Variants in KPNA3 observed in about 807,000 individuals in gnomAD.
KPNA3 encodes the protein importin subunit alpha-4.
A neutral mutation model predicts 73.8 loss-of-function variants in KPNA3; 13 were observed. The ratio of observed to expected loss-of-function variants is 0.18; its 90% CI spans 0.11 to 0.28. The LOEUF is 0.28. KPNA3 is among the 10% of genes least tolerant of loss of function. KPNA3 has a pLI of 1.00. For synonymous variants in KPNA3, 186 were observed against 206.9 expected, an observed-to-expected ratio of 0.90 and a Z score of 0.87; for missense variants, 360 against 618.1, an observed-to-expected ratio of 0.58 and a Z score of 4.43.
rs749353427 is a variant in KPNA3 at position 49,792,441 on chromosome 13, C to T, written c.66G>A (p.Val22=). 3 of 1,574,622 alleles carry T rather than the reference C, an allele frequency of 1.9e-6. No homozygotes were observed. Among genetic ancestry groups the T allele is most frequent in the Non-Finnish European group, 2.6e-6 (3 of 1,162,330 alleles). Residue 22 remains valine, a synonymous_variant, in exon 1 of 17, where the codon GTG becomes GTA. Coordinates refer to ENST00000261667, the MANE Select transcript of KPNA3 (RefSeq NM_002267.4). ...CAGACCGCGGAAGCACACTCACTTC[C>T]ACATCGCGGCCCTTGTTCTTGAAGC... ...IKSFKNKGRD[V]ETMRRHRNEV...
At chr13:49,732,500 A>T (rs1954479339) in intron 5 of KPNA3, 34 bp from the exon 6 acceptor site, 3 of 1,492,304 alleles carry the variant, frequency 2.0e-6, no homozygotes, top group Middle Eastern at 1.7e-4. Flanking sequence ...TAATTGCTAT[A>T]ATTTTCAAAC....
rs1954146149 is a variant in KPNA3, at chr13:49,701,384, C to T, written c.*416G>A. 7.5e-6 allele frequency: 3 copies of T among 401,532 alleles called. No individual in the cohort carries two copies. Among genetic ancestry groups the T allele is most frequent in the Non-Finnish European group, 1.6e-5 (3 of 191,474 alleles). 24.9% of individuals were successfully genotyped at this position (401,532 alleles called of 1,614,324 possible). A position where few individuals can be genotyped will look rare whatever the true frequency, so the allele number is the denominator to read the frequency against. The stretch of plus-strand genomic sequence containing the variant: ...TGATGGAGGCTCAGATCACACTGCA[C>T]CTCTTTAGTCTTCCAACTTGTATAT... On this transcript the variant is annotated 3_prime_UTR_variant, in exon 17 of 17. Transcript: ENST00000261667.
At chr13:49,751,502 T>G (rs1488372474) in intron 1 of KPNA3, among the ~76,000 whole-genome samples, 1 of 152,206 alleles carries the variant, frequency 6.6e-6, no homozygotes, top group African/African-American at 2.4e-5. Flanking sequence ...ATGCAAAATC[T>G]GTGTCATCTT....
intron 10 of KPNA3, among the ~76,000 whole-genome samples, chr13:49,716,661 C>A (rs1954306864): frequency 6.6e-6 from 1 of 152,048 alleles, no homozygotes. Flanking sequence ...CTGGTCTCAA[C>A]TCCTGACCTC....
intron 1 of KPNA3, among the ~76,000 whole-genome samples, chr13:49,764,026 C>A (rs1257730572): frequency 6.7e-6 from 1 of 148,756 alleles, no homozygotes; most frequent in Non-Finnish European, 1.5e-5. Context: ...GTGATTGTCC[C>A]ACTGCACTCC....
At chr13:49,712,678 G>A (rs1305206769) in intron 10 of KPNA3, among the ~76,000 whole-genome samples, 1 of 152,010 alleles carries the variant, frequency 6.6e-6, no homozygotes, top group Non-Finnish European at 1.5e-5. Context: ...ATGGGAGGTT[G>A]AGGCAAGAAG....
At chr13:49,778,185 C>T (rs1954912410) in intron 1 of KPNA3, among the ~76,000 whole-genome samples, 1 of 152,204 alleles carries the variant, frequency 6.6e-6, no homozygotes, top group Non-Finnish European at 1.5e-5. Flanking sequence ...AAGCAGTCTC[C>T]TTACATATTT....
chr13:49,720,382 A>AG (rs926152777), intron 9 of KPNA3, among the ~76,000 whole-genome samples: 2 of 152,208 alleles, frequency 1.3e-5, no homozygotes, highest in African/African-American at 4.8e-5. Context: ...GAAAGGGAGC[A>AG]GGGGGTTGTA....
At chr13:49,732,540 C>A in intron 5 of KPNA3, 65 bp downstream of exon 5, 2 of 1,447,294 alleles carry the variant, frequency 1.4e-6, no homozygotes. Flanking sequence ...ATATTAACTT[C>A]TAGACTACCA....
chr13:49,702,314 C>T, intron 16 of KPNA3, 72 bp downstream of exon 16: 2 of 794,424 alleles, frequency 2.5e-6, no homozygotes, highest in Non-Finnish European at 2.1e-6. Flanking sequence ...AAAAGGAAAA[C>T]TCTTAGTAAA....
chr13:49,709,757 T>C, intron 11 of KPNA3, 57 bp from the exon 12 acceptor site: 1 of 1,516,494 alleles, frequency 6.6e-7, no homozygotes, highest in Non-Finnish European at 8.9e-7. Flanking sequence ...ACTAATTCTA[T>C]ATTTTTCATA....
At chr13:49,708,426 G>A (rs1397410560) in intron 12 of KPNA3, among the ~76,000 whole-genome samples, 1 of 152,182 alleles carries the variant, frequency 6.6e-6, no homozygotes, top group Admixed American at 6.6e-5. Flanking sequence ...ACTGCTGGTG[G>A]GAATGTAAAA....
At chr13:49,748,377 T>C (rs554195957) in intron 1 of KPNA3, among the ~76,000 whole-genome samples, 107 of 152,290 alleles carry the variant, frequency 7.0e-4, no homozygotes, top group Non-Finnish European at 1.2e-3. Context: ...TGAAATAATA[T>C]ATATCTCCCC....
At chr13:49,761,383 C>T (rs921652492) in intron 1 of KPNA3, among the ~76,000 whole-genome samples, 16 of 152,136 alleles carry the variant, frequency 1.1e-4, no homozygotes, top group South Asian at 2.1e-4. Context: ...CGATTGCAGG[C>T]GCACACCGCC....
chr13:49,787,165 A>G (rs1954989639), intron 1 of KPNA3, among the ~76,000 whole-genome samples: 1 of 152,220 alleles, frequency 6.6e-6, no homozygotes, highest in Non-Finnish European at 1.5e-5. Context: ...GAGAAAATAT[A>G]TATTAGCCCT....
At chr13:49,711,161 A>ATATT in intron 10 of KPNA3, 139 bp from the exon 11 acceptor site, 1 of 638,110 alleles carries the variant, frequency 1.6e-6, no homozygotes, top group Non-Finnish European at 2.6e-6. Flanking sequence ...TGCTTAGCTG[A>ATATT]TTAATCTATT....
At chr13:49,775,216 AT>A (rs1213699483) in intron 1 of KPNA3, among the ~76,000 whole-genome samples, 1 of 151,580 alleles carries the variant, frequency 6.6e-6, no homozygotes, top group African/African-American at 2.4e-5. Context: ...TATTCTAGCT[AT>A]TTTTGACAAA....
At chr13:49,769,686 A>C (rs529766089) in intron 1 of KPNA3, among the ~76,000 whole-genome samples, 1 of 152,194 alleles carries the variant, frequency 6.6e-6, no homozygotes, top group Non-Finnish European at 1.5e-5. Flanking sequence ...CTTCCATTCA[A>C]GGACATTTGG....
intron 1 of KPNA3, among the ~76,000 whole-genome samples, chr13:49,760,970 C>T (rs1473850976): frequency 2.6e-5 from 4 of 152,070 alleles, no homozygotes; most frequent in Admixed American, 1.3e-4. Context: ...CCCATGATCA[C>T]GTTGGCAAGT....
Sources: allele counts gnomAD v4.1 joint callset (sites outside exome capture counted in the v4.1 genomes callset), GRCh38; gene constraint gnomAD v4.1.1; transcripts MANE v1.5; gene names NCBI Gene and HGNC (gene_info 2026-07-23, HGNC 2026-07-21).